Variants in IKZF4 observed in about 807,000 individuals in gnomAD.
The protein encoded by IKZF4 is IKAROS family zinc finger 4.
In IKZF4, 11 loss-of-function variants were observed where a neutral mutation model predicts 47.7. The observed-to-expected ratio is 0.23, with a 90% CI of 0.15 to 0.38. The LOEUF (loss-of-function observed/expected upper bound fraction) is 0.38, where lower values mean the gene tolerates loss of function less well. Among genes scored for constraint, IKZF4 ranks in the 10% least tolerant of loss-of-function variants. IKZF4 has a pLI of 1.00. For missense variants in IKZF4, 557 were observed against 784.9 expected (o/e 0.71, Z 3.47); for synonymous variants, 298 against 299.4 (o/e 1.00, Z 0.05).
intron 5 of IKZF4, among the ~76,000 whole-genome samples, chr12:56,028,524 C>A: frequency 1.0e-5 from 1 of 95,356 alleles, no homozygotes; most frequent in African/African-American, 4.2e-5. Flanking sequence ...CTGAGCGACA[C>A]TCAGTCTCAA....
At chr12:56,013,187 G>A (rs868159046) in intron 2 of IKZF4, among the ~76,000 whole-genome samples, 13 of 151,922 alleles carry the variant, frequency 8.6e-5, no homozygotes, top group African/African-American at 2.7e-4. Context: ...ACTGAGTGAC[G>A]GTTATGTTGC....
rs1262403617 is a variant in IKZF4 at position 56,021,370 on chromosome 12, C to T, written c.-124C>T. On this transcript the variant is annotated 5_prime_UTR_variant, in exon 1 of 8. Transcript: ENST00000547167. ...TGCTCTTGCTGGCTGCAGCCGTGGGCCTCTGCTCACCGTGCCGCTGCTGCT... is the reference window on the plus strand; with the variant it reads ...TGCTCTTGCTGGCTGCAGCCGTGGGTCTCTGCTCACCGTGCCGCTGCTGCT... The T allele has an allele frequency of 6.5e-7, 1 of 1,546,922 alleles. No individual in the cohort carries two copies. Among genetic ancestry groups the T allele is most frequent in the Admixed American group, 2.0e-5 (1 of 50,898 alleles).
At chr12:56,018,096 T>C, upstream of IKZF4, 1 of 1,269,318 alleles carries the variant, frequency 7.9e-7, no homozygotes, top group Non-Finnish European at 1.0e-6. Flanking sequence ...AGAGCTATCT[T>C]CTAATAGCAG....
chr12:56,026,279 A>G (rs2136664268), intron 3 of IKZF4, among the ~76,000 whole-genome samples: 1 of 151,506 alleles, frequency 6.6e-6, no homozygotes. Flanking sequence ...TGGGTGGGAG[A>G]AAAGGTTGTC....
At chr12:56,027,120 G>C (rs1312121388) in intron 4 of IKZF4, 79 bp downstream of exon 4, 1 of 1,333,766 alleles carries the variant, frequency 7.5e-7, no homozygotes, top group Non-Finnish European at 9.8e-7. Flanking sequence ...ACAACAGCAG[G>C]TATGGGGCTG....
chr12:56,009,445 G>A (rs1049224228), intron 1 of IKZF4, among the ~76,000 whole-genome samples: 1 of 152,182 alleles, frequency 6.6e-6, no homozygotes, highest in East Asian at 1.9e-4. Flanking sequence ...CAGTAGGTCC[G>A]TGAATCTTGC....
rs181186276 is a variant in IKZF4, at chr12:56,022,638, C to T, written c.88-1033C>T. Among the ~76,000 whole-genome samples, 5 of 152,212 alleles carry T rather than the reference C, an allele frequency of 3.3e-5. No homozygotes were observed. In the East Asian group the frequency reaches 9.7e-4, roughly 29 times the overall value. ...ATTCATTATACATATATTTTAGCCC[C>T]ATGAAAGTAGACTTGATCCTGTTTT... On this transcript the variant is annotated intron_variant, in intron 1 of 7. Transcript: ENST00000547167.
chr12:56,021,532 C>T lies in IKZF4; in HGVS notation c.39C>T (p.Gly13=), dbSNP rs771561794. The change falls in exon 1 of 8, where the codon GGC becomes GGT. Residue 13 remains glycine, a synonymous_variant. Coordinates refer to ENST00000547167, the MANE Select transcript of IKZF4 (RefSeq NM_022465.4). ...CCGCACTCCCTCGCCGTTTCCAAGG[C>T]GGCGGCCGCGTTCGCACCCCAGGGT... is the stretch of plus-strand genomic sequence containing the variant. The part of the protein sequence containing the change: ...TPPALPRRFQ[G]GGRVRTPGSH... 5 of 1,609,260 alleles carry T rather than the reference C, an allele frequency of 3.1e-6. No homozygotes were observed. The highest frequency in any genetic ancestry group is 2.2e-5 in the East Asian group (1 of 44,634).
intron 5 of IKZF4, 138 bp from the exon 6 acceptor site, chr12:56,032,423 T>C: frequency 1.2e-6 from 1 of 840,584 alleles, no homozygotes; most frequent in South Asian, 1.9e-5. Context: ...AGTTGGGAAA[T>C]GAAAGACAAG....
In IKZF4 at chr12:56,034,588, T is replaced by C. The variant is rs1895438785; in HGVS notation, c.1015T>C (p.Phe339Leu). The change falls in exon 8 of 8, where the codon TTC becomes CTC. Residue 339 changes from phenylalanine (F) to leucine (L), a missense_variant. This residue lies in a region of IKZF4 where 280 missense variants were observed against 314.0 expected (regional missense o/e 0.89). Coordinates refer to ENST00000547167, the MANE Select transcript of IKZF4 (RefSeq NM_022465.4). ...CTCCACAGGCGAAAAGCAGATGCGCTTCAGCCTCTCAGACCTCCCCTATGA... is the reference window on the plus strand; with the variant it reads ...CTCCACAGGCGAAAAGCAGATGCGCCTCAGCCTCTCAGACCTCCCCTATGA... The part of the protein sequence containing the change: ...QKFVGEKQMR[F>L]SLSDLPYDVN... 1 of 1,610,302 alleles carries C rather than the reference T, an allele frequency of 6.2e-7. No individual in the cohort carries two copies. Among genetic ancestry groups the C allele is most frequent in the Non-Finnish European group, 8.5e-7 (1 of 1,177,484 alleles).
intron 2 of IKZF4, 56 bp from the exon 3 acceptor site, chr12:56,024,998 G>A: frequency 6.4e-7 from 1 of 1,552,140 alleles, no homozygotes; most frequent in Non-Finnish European, 8.7e-7. Flanking sequence ...ATTAGGCAAT[G>A]GACAGTAGAT....
At chr12:56,032,242 A>C in intron 5 of IKZF4, 1 of 287,074 alleles carries the variant, frequency 3.5e-6, no homozygotes, top group Non-Finnish European at 6.6e-6. Flanking sequence ...TCTGCTAGGG[A>C]TGATCCTCTA....
At chr12:56,033,823 G>A (rs1895276367) in intron 7 of IKZF4, among the ~76,000 whole-genome samples, 1 of 152,166 alleles carries the variant, frequency 6.6e-6, no homozygotes, top group African/African-American at 2.4e-5. Flanking sequence ...CAAAGAGAGT[G>A]GAGAAGGGTT....
At position 56,022,513 on chromosome 12, in the gene IKZF4, G is replaced by T. The variant is rs184405073; in HGVS notation, c.87+933G>T. On this transcript the variant is annotated intron_variant, in intron 1 of 7. Coordinates refer to ENST00000547167, the MANE Select transcript of IKZF4 (RefSeq NM_022465.4). ...ACTGGGGTTTCTGGGGCTGAGAGAG[G>T]AACTGTTAAACTTCCTAAATCTTAC... 3.3e-5 allele frequency among the ~76,000 whole-genome samples: 5 copies of T among 152,264 alleles called. No individual in the cohort carries two copies. In the East Asian group the frequency reaches 7.7e-4, roughly 23 times the overall value.
At chr12:56,028,342 G>A (rs190547200) in intron 5 of IKZF4, among the ~76,000 whole-genome samples, 1 of 151,444 alleles carries the variant, frequency 6.6e-6, no homozygotes, top group Admixed American at 6.6e-5. Flanking sequence ...TGGCCAAAAT[G>A]GTGAAACCCT....
chr12:56,036,682 C>G lies in IKZF4; in HGVS notation c.*1351C>G, dbSNP rs1471597266. On this transcript the variant is annotated 3_prime_UTR_variant, in exon 8 of 8. Transcript: ENST00000547167. ...AACTGGGGTCTTCCTTTACTACCCC[C>G]TTCTACACTCAGCTCCCAGACACAG... 6.6e-6 allele frequency: 1 copy of G among 152,194 alleles called. No individual in the cohort carries two copies. Among genetic ancestry groups the G allele is most frequent in the Admixed American group, 6.5e-5 (1 of 15,284 alleles). The allele number at this position is 152,194 out of a possible 1,614,324, so 9.4% of individuals were successfully genotyped here.
chr12:56,023,841 CT>C, intron 2 of IKZF4, 77 bp downstream of exon 2: 2 of 1,553,024 alleles, frequency 1.3e-6, no homozygotes, highest in East Asian at 2.4e-5. Context: ...GGCTTCCTCT[CT>C]CTTTCTTGCA....
At chr12:56,032,398 C>T (rs915305000) in intron 5 of IKZF4, 163 bp from the exon 6 acceptor site, 10 of 652,268 alleles carry the variant, frequency 1.5e-5, no homozygotes, top group South Asian at 4.1e-5. Context: ...TTCATCTGTC[C>T]GCGGTTGCAG....
chr12:56,024,691 G>A, intron 2 of IKZF4: 1 of 1,110,568 alleles, frequency 9.0e-7, no homozygotes, highest in Non-Finnish European at 1.1e-6. Flanking sequence ...CTCCAGAGAG[G>A]AACAGTAGGG....
Sources: gnomAD v4.1 joint callset for allele counts (sites outside exome capture counted in the v4.1 genomes callset) on GRCh38, gnomAD v4.1.1 for gene constraint, gnomAD v4.1.1 regional missense constraint, MANE v1.5 for transcripts, NCBI Gene and HGNC (gene_info 2026-07-23, HGNC 2026-07-21) for gene names.